Variants in WWC1 observed in about 807,000 individuals in gnomAD.
WWC1 encodes protein KIBRA.
A neutral mutation model predicts 138.4 loss-of-function variants in WWC1; 55 were observed. The observed-to-expected ratio is 0.40, with a 90% CI of 0.32 to 0.50. The LOEUF (loss-of-function observed/expected upper bound fraction) is 0.50, where lower values mean the gene tolerates loss of function less well. Among genes scored for constraint, WWC1 ranks in the 20% least tolerant of loss-of-function variants. WWC1 has a pLI of 0.72. For synonymous variants in WWC1, 524 were observed against 564.9 expected (o/e 0.93, Z 1.03); for missense variants, 1,226 against 1,420.4 (o/e 0.86, Z 2.20).
rs141660530 is a variant in WWC1, at chr5:168,428,725, T to A, written c.1938T>A (p.Ala646=). The A allele has an allele frequency of 1.6e-3, 2,541 of 1,613,984 alleles. 7 individuals are homozygous for A. Among genetic ancestry groups the A allele is most frequent in the Non-Finnish European group, 1.5e-3 (1,820 of 1,179,932 alleles). ...ASVQRLGASE[A]AAFDSDESEA... Reference sequence around the variant, plus strand: ...CTTTCAGACTGGGTGCTTCAGAAGCTGCTGCATTTGACAGTGACGAATCGG... The same window carrying A: ...CTTTCAGACTGGGTGCTTCAGAAGCAGCTGCATTTGACAGTGACGAATCGG... The change falls in exon 13 of 23, where the codon GCT becomes GCA. Residue 646 remains alanine (A), a synonymous_variant. Coordinates refer to ENST00000265293, the MANE Select transcript of WWC1 (RefSeq NM_015238.3).
At chr5:168,348,921 A>G (rs1040549892) in intron 1 of WWC1, among the ~76,000 whole-genome samples, 2 of 152,138 alleles carry the variant, frequency 1.3e-5, no homozygotes, top group Admixed American at 6.5e-5. Context: ...GCTGCTTTCA[A>G]TATGCTAGAC....
In WWC1 at chr5:168,431,368, C is replaced by T. The variant is rs1781923113; in HGVS notation, c.2204C>T (p.Ser735Phe). 1 of 1,614,066 alleles carries T rather than the reference C, an allele frequency of 6.2e-7. No homozygotes were observed. The change falls in exon 15 of 23, where the codon TCC becomes TTC. Residue 735 changes from serine (S) to phenylalanine (F), a missense_variant. By Grantham distance (155) the Ser-to-Phe change is radical (BLOSUM62 -2). Transcript: ENST00000265293. ...VFNEVFWVSMSYPALHQKTLR... is the reference protein window; with the variant it reads ...VFNEVFWVSMFYPALHQKTLR... ...AATGAGGTGTTCTGGGTATCCATGTCCTATCCAGCCCTTCACCAGAAGACC... is the reference window on the plus strand; with the variant it reads ...AATGAGGTGTTCTGGGTATCCATGTTCTATCCAGCCCTTCACCAGAAGACC...
At chr5:168,306,455 C>G (rs902395547) in intron 1 of WWC1, among the ~76,000 whole-genome samples, 1 of 152,152 alleles carries the variant, frequency 6.6e-6, no homozygotes, top group Non-Finnish European at 1.5e-5. Flanking sequence ...GTAATTTCCC[C>G]TCTTCTATGC....
chr5:168,422,252 G>A (rs552579264), intron 10 of WWC1, among the ~76,000 whole-genome samples, 155 bp downstream of exon 10: 69 of 152,324 alleles, frequency 4.5e-4, no homozygotes, highest in African/African-American at 1.5e-3. Flanking sequence ...AGACTCGGGC[G>A]TGGCCTGGTG....
chr5:168,391,981 G>C (rs1046263772), intron 3 of WWC1, among the ~76,000 whole-genome samples: 1 of 151,922 alleles, frequency 6.6e-6, no homozygotes, highest in Non-Finnish European at 1.5e-5. Flanking sequence ...AGCTATTTCT[G>C]CAAGTAAGAC....
At position 168,452,825 on chromosome 5, in the gene WWC1, C is replaced by T. The variant is rs552450834; in HGVS notation, c.2526-1143C>T. Among the ~76,000 whole-genome samples, 107 of 152,254 alleles carry T rather than the reference C, an allele frequency of 7.0e-4. 1 individual carries two copies. Among genetic ancestry groups the T allele is most frequent in the African/African-American group, 2.1e-3 (89 of 41,538 alleles). On this transcript the variant is annotated intron_variant, in intron 17 of 22. Coordinates refer to ENST00000265293, the MANE Select transcript of WWC1 (RefSeq NM_015238.3). Reference sequence around the variant, plus strand: ...TTCCTCCTCCTTTTCCTCAACCACCCGCCTCGTTCCAACGTTTGGAAGCCC... The same window carrying T: ...TTCCTCCTCCTTTTCCTCAACCACCTGCCTCGTTCCAACGTTTGGAAGCCC...
chr5:168,408,682 C>T, intron 7 of WWC1, 29 bp downstream of exon 7: 3 of 1,611,636 alleles, frequency 1.9e-6, no homozygotes, highest in Non-Finnish European at 2.5e-6. Flanking sequence ...TTGCTGGGGG[C>T]CTTCCACAGG....
intron 1 of WWC1, among the ~76,000 whole-genome samples, chr5:168,312,764 C>T (rs189993340): frequency 2.2e-3 from 328 of 151,550 alleles, no homozygotes; most frequent in Non-Finnish European, 3.7e-3. Context: ...TGGTGCCAAC[C>T]GCAGCAGCTG....
chr5:168,425,552 G>A (rs1361060926), intron 11 of WWC1, among the ~76,000 whole-genome samples: 6 of 150,304 alleles, frequency 4.0e-5, no homozygotes. Context: ...GAGTGCAGTG[G>A]CACCATCTGG....
intron 5 of WWC1, among the ~76,000 whole-genome samples, chr5:168,403,871 TAC>T (rs57788100): frequency 0.25 from 33,309 of 134,046 alleles, 4,018 homozygotes; most frequent in South Asian, 0.45. Context: ...AACACATGCA[TAC>T]ACACACACAC....
At chr5:168,307,006 A>G (rs770305657) in intron 1 of WWC1, among the ~76,000 whole-genome samples, 4 of 152,256 alleles carry the variant, frequency 2.6e-5, no homozygotes, top group Non-Finnish European at 5.9e-5. Flanking sequence ...CTCCAAGAAA[A>G]TGGGTTGCAG....
At chr5:168,354,749 C>T (rs1775261645) in intron 1 of WWC1, among the ~76,000 whole-genome samples, 2 of 152,064 alleles carry the variant, frequency 1.3e-5, no homozygotes, top group African/African-American at 2.4e-5. Flanking sequence ...TCTCAGGGCC[C>T]GTTCTTTGGT....
chr5:168,439,611 C>T (rs1008460310), intron 15 of WWC1, among the ~76,000 whole-genome samples: 1 of 144,390 alleles, frequency 6.9e-6, no homozygotes, highest in South Asian at 2.2e-4. Context: ...GCCTCGGCAA[C>T]AAGAGCAAAA....
chr5:168,355,508 A>T (rs925411947), intron 1 of WWC1, among the ~76,000 whole-genome samples: 1 of 151,632 alleles, frequency 6.6e-6, no homozygotes, highest in Non-Finnish European at 1.5e-5. Flanking sequence ...AAAAAAAAAA[A>T]AAAAAAAAAA....
At chr5:168,443,338 A>G (rs191883814) in intron 16 of WWC1, among the ~76,000 whole-genome samples, 124 of 151,704 alleles carry the variant, frequency 8.2e-4, no homozygotes, top group Middle Eastern at 3.4e-3. Context: ...CATCGTCATC[A>G]TCATCATCAT....
chr5:168,407,095 G>T (rs1480465458), intron 6 of WWC1, among the ~76,000 whole-genome samples: 1 of 152,026 alleles, frequency 6.6e-6, no homozygotes, highest in East Asian at 1.9e-4. Flanking sequence ...CCTGGCCCCT[G>T]CCTTATTTTT....
intron 1 of WWC1, among the ~76,000 whole-genome samples, chr5:168,336,694 G>A (rs1422591905): frequency 6.6e-6 from 1 of 151,856 alleles, no homozygotes; most frequent in Non-Finnish European, 1.5e-5. Flanking sequence ...TGACTCCACC[G>A]TAGGGAAGAA....
intron 5 of WWC1, among the ~76,000 whole-genome samples, chr5:168,402,604 A>T (rs1281572497): frequency 6.6e-6 from 1 of 152,018 alleles, no homozygotes; most frequent in Non-Finnish European, 1.5e-5. Context: ...CACGCCAGCC[A>T]CCTCATTTCA....
chr5:168,426,710 TC>T (rs566179059), intron 11 of WWC1, among the ~76,000 whole-genome samples: 115 of 152,296 alleles, frequency 7.6e-4, no homozygotes, highest in African/African-American at 2.5e-3. Context: ...ACTTGCAGTC[TC>T]CCAGACCCGC....
Sources: allele counts gnomAD v4.1 joint callset (sites outside exome capture counted in the v4.1 genomes callset), GRCh38; gene constraint gnomAD v4.1.1; transcripts MANE v1.5; gene names NCBI Gene and HGNC (gene_info 2026-07-23, HGNC 2026-07-21).